DGKA: variants seen among roughly 807,000 people sequenced by gnomAD.
DGKA encodes the protein diacylglycerol kinase alpha.
A neutral mutation model predicts 105.0 loss-of-function variants in DGKA; 35 were observed. That is an observed-to-expected ratio of 0.33 (90% CI 0.25 to 0.44). DGKA has a LOEUF of 0.44. Among genes scored for constraint, DGKA ranks in the 20% least tolerant of loss-of-function variants. DGKA has a pLI of 1.00. For missense variants in DGKA, 665 were observed against 915.0 expected (o/e 0.73, Z 3.53); for synonymous variants, 296 against 332.0 (o/e 0.89, Z 1.18).
intron 1 of DGKA, chr12:55,931,839 G>A (rs1019497023): frequency 6.6e-6 from 1 of 152,492 alleles, no homozygotes; most frequent in African/African-American, 2.4e-5. Flanking sequence ...CGCAGCAAAT[G>A]GAGAAAATGT....
intron 17 of DGKA, 67 bp from the exon 18 acceptor site, chr12:55,951,556 C>A (rs961127444): frequency 3.3e-6 from 5 of 1,527,108 alleles, no homozygotes; most frequent in South Asian, 1.2e-5. Context: ...ATTTGTGGAG[C>A]TGGGAGCTGA....
At chr12:55,927,910 G>T, upstream of DGKA, 2 of 1,037,328 alleles carry the variant, frequency 1.9e-6, no homozygotes, top group Non-Finnish European at 1.4e-6. Context: ...CTCGGGCTGG[G>T]CCCTAGGGTC....
In DGKA at chr12:55,938,965, T is replaced by C. The variant is rs1277967889; in HGVS notation, c.450T>C (p.Asp150=). 1.2e-6 allele frequency: 2 copies of C among 1,614,076 alleles called. No homozygotes were observed. Among genetic ancestry groups the C allele is most frequent in the African/African-American group, 2.7e-5 (2 of 74,934 alleles). ...LQMMRVAEYL[D]WDVSELRPIL... The stretch of plus-strand genomic sequence containing the variant: ...TGATGCGAGTGGCTGAATACCTGGA[T>C]TGGGATGTGTCTGAGCTGAGGCCGG... Residue 150 remains aspartate, a synonymous_variant, in exon 7 of 24, where the codon GAT becomes GAC. Transcript: ENST00000331886.
chr12:55,939,150 A>T (rs540098082), intron 7 of DGKA, 36 bp from the exon 8 acceptor site: 11 of 1,610,594 alleles, frequency 6.8e-6, no homozygotes, highest in Non-Finnish European at 9.3e-6. Flanking sequence ...CTGAAGACCC[A>T]CTCATACTGA....
At chr12:55,927,623 G>T, upstream of DGKA, 1 of 1,427,470 alleles carries the variant, frequency 7.0e-7, no homozygotes, top group South Asian at 1.3e-5. Flanking sequence ...TAAGAAGGTG[G>T]GGAGGTCGAA....
chr12:55,944,457 G>T (rs1482500173), intron 17 of DGKA, among the ~76,000 whole-genome samples: 1 of 152,194 alleles, frequency 6.6e-6, no homozygotes, highest in Non-Finnish European at 1.5e-5. Context: ...AACAGTGTGA[G>T]ACTTTAAATT....
chr12:55,936,165 T>C (rs1267767271), intron 1 of DGKA: 19 of 553,640 alleles, frequency 3.4e-5, no homozygotes, highest in Non-Finnish European at 4.8e-5. Flanking sequence ...TCAAGATAGG[T>C]TGGGGGAGAG....
chr12:55,934,950 G>A (rs936910637), intron 1 of DGKA, among the ~76,000 whole-genome samples: 1 of 152,214 alleles, frequency 6.6e-6, no homozygotes, highest in Non-Finnish European at 1.5e-5. Context: ...CTGAGGAACA[G>A]AAAGGAGCAC....
At chr12:55,937,927 T>A (rs776030241) in intron 4 of DGKA, 51 bp from the exon 5 acceptor site, 1 of 1,508,604 alleles carries the variant, frequency 6.6e-7, no homozygotes, top group East Asian at 2.3e-5. Context: ...GGATAAAACA[T>A]GAGCCAAAGT....
rs1316296143 is a variant in DGKA, at chr12:55,932,623, C to G, written c.-82+1279C>G. On this transcript the variant is annotated intron_variant, in intron 1 of 23. Transcript: ENST00000331886. This position sits in a 1 kb window ranked among gnomAD's most constrained non-coding sequence, Gnocchi z 4.3. ...ACTGGGCATCTCTTCAGCCTCAGCA[C>G]AGACAAGCCCACATCCCCCAACCAT... 1 of 702,098 alleles carries G rather than the reference C, an allele frequency of 1.4e-6. No homozygotes were observed. The highest frequency in any genetic ancestry group is 2.6e-6 in the Non-Finnish European group (1 of 384,722). The allele number at this position is 702,098 out of a possible 1,614,324, so 43.5% of individuals were successfully genotyped here.
rs1268752156 is a variant in DGKA, at chr12:55,946,419, C to T, written c.1426+4156C>T. 1.2e-4 allele frequency among the ~76,000 whole-genome samples: 19 copies of T among 152,224 alleles called. No homozygotes were observed. In the South Asian group the frequency reaches 3.5e-3, roughly 28 times the overall value. ...TCGCACAGGCTGGAGTGCAGTGGCGCGATCTCAGCTCACTGCAACCTCTGC... is the reference window on the plus strand; with the variant it reads ...TCGCACAGGCTGGAGTGCAGTGGCGTGATCTCAGCTCACTGCAACCTCTGC... On this transcript the variant is annotated intron_variant, in intron 17 of 23. Transcript: ENST00000331886.
In DGKA at chr12:55,952,247, T is replaced by TAGG; in HGVS notation, c.1653-90_1653-88dup. The TAGG allele has an allele frequency of 6.7e-7, 1 of 1,501,256 alleles. No individual in the cohort carries two copies. The highest frequency in any genetic ancestry group is 9.3e-7 in the Non-Finnish European group (1 of 1,078,382). The allele number at this position is 1,501,256 out of a possible 1,614,324, so 93.0% of individuals were successfully genotyped here. A position where few individuals can be genotyped will look rare whatever the true frequency, so the allele number is the denominator to read the frequency against. ...CCCTTGTTCCCCATGGGACTAAAGT[T>TAGG]AGGAGGTTGATGCCCTTCCCTGTCA... On this transcript the variant is annotated intron_variant, in intron 19 of 23. Coordinates refer to ENST00000331886, the MANE Select transcript of DGKA (RefSeq NM_001345.5). The surrounding 1 kb of genome is among the most constrained non-coding windows in gnomAD (Gnocchi z 5.1).
At chr12:55,942,471 G>A in intron 17 of DGKA, 1 of 540,750 alleles carries the variant, frequency 1.8e-6, no homozygotes, top group Non-Finnish European at 3.3e-6. Context: ...GGTCAAGGGT[G>A]ATAGTCCCCT....
intron 6 of DGKA, 109 bp downstream of exon 6, chr12:55,938,669 A>G (rs1181791766): frequency 6.2e-7 from 1 of 1,605,894 alleles, no homozygotes; most frequent in East Asian, 2.2e-5. Flanking sequence ...ATGGGGGGAG[A>G]GGTTGAGTCC....
intron 17 of DGKA, 109 bp downstream of exon 17, chr12:55,942,372 G>A: frequency 2.9e-6 from 3 of 1,020,432 alleles, no homozygotes; most frequent in Non-Finnish European, 4.5e-6. Context: ...TGGGGAAGAA[G>A]AGGGGCACAG....
In DGKA at chr12:55,932,751, G is replaced by A. The variant is rs1401158322; in HGVS notation, c.-82+1407G>A. 3.3e-6 allele frequency: 2 copies of A among 607,244 alleles called. No homozygotes were observed. The highest frequency in any genetic ancestry group is 3.7e-5 in the African/African-American group (2 of 53,750). 37.6% of individuals were successfully genotyped at this position (607,244 alleles called of 1,614,324 possible). On this transcript the variant is annotated intron_variant, in intron 1 of 23. Coordinates refer to ENST00000331886, the MANE Select transcript of DGKA (RefSeq NM_001345.5). The surrounding 1 kb of genome is among the most constrained non-coding windows in gnomAD (Gnocchi z 4.3). ...CACACACACACACACAACCCCCTCAGCCAGGTGTAGCACTGCAGTCTTCAG... is the reference window on the plus strand; with the variant it reads ...CACACACACACACACAACCCCCTCAACCAGGTGTAGCACTGCAGTCTTCAG...
chr12:55,935,948 G>A (rs1884570275), intron 1 of DGKA: 2 of 986,832 alleles, frequency 2.0e-6, no homozygotes, highest in East Asian at 2.3e-4. Flanking sequence ...CCAGGAAGAC[G>A]CGCTAACGCA....
chr12:55,953,851 G>A lies in DGKA; in HGVS notation c.*83G>A, dbSNP rs1888662743. The A allele has an allele frequency of 1.6e-6, 2 of 1,232,810 alleles. No homozygotes were observed. Among genetic ancestry groups the A allele is most frequent in the Non-Finnish European group, 2.4e-6 (2 of 846,694 alleles). The allele number at this position is 1,232,810 out of a possible 1,614,324, so 76.4% of individuals were successfully genotyped here. A position where few individuals can be genotyped will look rare whatever the true frequency, so the allele number is the denominator to read the frequency against. On this transcript the variant is annotated 3_prime_UTR_variant, in exon 24 of 24. Transcript: ENST00000331886. ...TACTCCCGAGGCTCTGTACATTGCT[G>A]CCACATACTCCTGCCAGCTTGGGGG...
In DGKA at chr12:55,952,387, ATCT is replaced by A; in HGVS notation, c.1703_1705del (p.Phe568del). 6.2e-7 allele frequency: 1 copy of A among 1,614,166 alleles called. No homozygotes were observed. The highest frequency in any genetic ancestry group is 1.1e-5 in the South Asian group (1 of 91,074). ...CTTCGAATTTGCCACATCTGAATCC[ATCT>A]TCTCAACATGCAAAAAGCTGGAGGA... On this transcript the variant is annotated inframe_deletion, in exon 20 of 24. Transcript: ENST00000331886. This position sits in a 1 kb window ranked among gnomAD's most constrained non-coding sequence, Gnocchi z 5.1.
Sources: gnomAD v4.1 joint callset for allele counts (sites outside exome capture counted in the v4.1 genomes callset) on GRCh38, gnomAD v4.1.1 for gene constraint, Gnocchi (gnomAD v3.1) non-coding constraint, MANE v1.5 for transcripts, NCBI Gene and HGNC (gene_info 2026-07-23, HGNC 2026-07-21) for gene names.